CFTR: variants seen among roughly 807,000 people sequenced by gnomAD.
CFTR encodes cystic fibrosis transmembrane conductance regulator.
Under a neutral mutation model 171.6 loss-of-function variants are expected in CFTR, and 181 were observed. That is an observed-to-expected ratio of 1.05 (90% CI 0.93 to 1.19). The LOEUF (loss-of-function observed/expected upper bound fraction) is 1.19, where lower values mean the gene tolerates loss of function less well. CFTR is among the 50% of genes most tolerant of loss of function. CFTR has a pLI of 0.00. For missense variants in CFTR, 1,968 were observed against 1,734.7 expected (o/e 1.13, Z -2.39); for synonymous variants, 583 against 608.0 (o/e 0.96, Z 0.60).
intron 9 of CFTR, among the ~76,000 whole-genome samples, chr7:117,546,789 G>C (rs997028731): frequency 2.0e-5 from 3 of 152,122 alleles, no homozygotes; most frequent in African/African-American, 7.2e-5. Flanking sequence ...GATATATTTT[G>C]TTCCTTTGTG....
At chr7:117,544,671 CCTT>C (rs1799109793) in intron 9 of CFTR, among the ~76,000 whole-genome samples, 1 of 152,280 alleles carries the variant, frequency 6.6e-6, no homozygotes, top group South Asian at 2.1e-4. Context: ...TCAACTGACT[CCTT>C]CTCATGTTTA....
intron 10 of CFTR, among the ~76,000 whole-genome samples, chr7:117,552,111 T>A (rs528507044): frequency 7.8e-4 from 118 of 152,220 alleles, no homozygotes; most frequent in Middle Eastern, 3.4e-3. Context: ...TATACATGAT[T>A]TATTTTATTT....
At chr7:117,533,044 C>T (rs1178397497) in intron 4 of CFTR, among the ~76,000 whole-genome samples, 1 of 152,146 alleles carries the variant, frequency 6.6e-6, no homozygotes, top group Non-Finnish European at 1.5e-5. Context: ...AATTTAAATA[C>T]AAACAAACTT....
At chr7:117,616,557 G>T (rs1464902737) in intron 21 of CFTR, among the ~76,000 whole-genome samples, 1 of 152,092 alleles carries the variant, frequency 6.6e-6, no homozygotes, top group Admixed American at 6.6e-5. Context: ...ACACATTGAT[G>T]TCAAAACCTC....
Position 117,509,086 on chromosome 7 carries a change from C to T in CFTR, c.217C>T (p.Leu73Phe), listed in dbSNP as rs762298973. ...GAAAAATCCTAAACTCATTAATGCC[C>T]TTCGGCGATGTTTTTTCTGGAGATT... is the stretch of plus-strand genomic sequence containing the variant. Reference protein sequence around the residue: ...SKKNPKLINALRRCFFWRFMF... With the variant: ...SKKNPKLINAFRRCFFWRFMF... Residue 73 changes from leucine to phenylalanine, a missense_variant, in exon 3 of 27, where the codon CTT becomes TTT. Transcript: ENST00000003084. The T allele has an allele frequency of 1.2e-6, 2 of 1,612,958 alleles. No individual in the cohort carries two copies. Among genetic ancestry groups the T allele is most frequent in the Non-Finnish European group, 1.7e-6 (2 of 1,179,368 alleles).
chr7:117,659,974 C>G (rs1373402267), intron 24 of CFTR, among the ~76,000 whole-genome samples: 1 of 151,798 alleles, frequency 6.6e-6, no homozygotes, highest in African/African-American at 2.4e-5. Context: ...TAATAACATT[C>G]CAGAATACAG....
At position 117,542,117 on chromosome 7, in the gene CFTR, T is replaced by G. The variant is rs1799064371; in HGVS notation, c.1209+9T>G. 6.9e-7 allele frequency: 1 copy of G among 1,453,050 alleles called. No homozygotes were observed. The highest frequency in any genetic ancestry group is 1.7e-5 in the Admixed American group (1 of 59,736). 90.0% of individuals were successfully genotyped at this position (1,453,050 alleles called of 1,614,324 possible). A position where few individuals can be genotyped will look rare whatever the true frequency, so the allele number is the denominator to read the frequency against. On this transcript the variant is annotated intron_variant, in intron 9 of 26. Transcript: ENST00000003084. The stretch of plus-strand genomic sequence containing the variant: ...CAGCCTTCTGGGAGGAGGTCAGAAT[T>G]TTTAAAAAATTGTTTGCTCTAAACA...
intron 10 of CFTR, among the ~76,000 whole-genome samples, chr7:117,559,128 C>T (rs1364668356): frequency 2.0e-5 from 3 of 152,194 alleles, no homozygotes; most frequent in Non-Finnish European, 4.4e-5. Flanking sequence ...CAGCACTCGA[C>T]ACAGAGTGAG....
intron 13 of CFTR, 54 bp downstream of exon 13, chr7:117,590,493 C>T (rs1698547305): frequency 6.4e-7 from 1 of 1,559,992 alleles, no homozygotes; most frequent in East Asian, 2.3e-5. Context: ...AAAAGAAAGA[C>T]AGACTGTCCC....
At chr7:117,558,172 T>C (rs1438106294) in intron 10 of CFTR, among the ~76,000 whole-genome samples, 2 of 152,150 alleles carry the variant, frequency 1.3e-5, no homozygotes, top group Non-Finnish European at 2.9e-5. Context: ...CTGTAGGCTA[T>C]ATGTATCTGT....
intron 11 of CFTR, among the ~76,000 whole-genome samples, chr7:117,578,718 C>A (rs1475969594): frequency 6.6e-6 from 1 of 152,012 alleles, no homozygotes; most frequent in Admixed American, 6.6e-5. Context: ...AAAATCTTGT[C>A]TAATGCTTGA....
At chr7:117,656,354 G>A (rs746506727) in intron 24 of CFTR, among the ~76,000 whole-genome samples, 2 of 152,236 alleles carry the variant, frequency 1.3e-5, no homozygotes, top group South Asian at 2.1e-4. Context: ...TTTCGAAGTC[G>A]CCAGGAATCG....
Position 117,642,492 on chromosome 7 carries a change from T to C in CFTR, c.3772T>C (p.Leu1258=), listed in dbSNP as rs202074317. 6.2e-7 allele frequency: 1 copy of C among 1,613,732 alleles called. No homozygotes were observed. Among genetic ancestry groups the C allele is most frequent in the Admixed American group, 1.7e-5 (1 of 59,974 alleles). The change falls in exon 23 of 27, where the codon TTG becomes CTG. Residue 1258 remains leucine, a synonymous_variant. Coordinates refer to ENST00000003084, the MANE Select transcript of CFTR (RefSeq NM_000492.4). ...SGKSTLLSAF[L]RLLNTEGEIQ... is the part of the protein sequence containing the mutation. ...GAAGAGTACTTTGTTATCAGCTTTTTTGAGACTACTGAACACTGAAGGAGA... is the reference window on the plus strand; with the variant it reads ...GAAGAGTACTTTGTTATCAGCTTTTCTGAGACTACTGAACACTGAAGGAGA...
At chr7:117,647,700 T>C (rs1793015576) in intron 23 of CFTR, among the ~76,000 whole-genome samples, 1 of 151,802 alleles carries the variant, frequency 6.6e-6, no homozygotes, top group Non-Finnish European at 1.5e-5. Context: ...AAAAATTTTT[T>C]TTTTAAGACA....
intron 1 of CFTR, among the ~76,000 whole-genome samples, chr7:117,489,958 T>C (rs1221023445): frequency 6.6e-6 from 1 of 152,002 alleles, no homozygotes; most frequent in Non-Finnish European, 1.5e-5. Flanking sequence ...TCTTCCCCCA[T>C]CTTGGTTGTT....
intron 3 of CFTR, among the ~76,000 whole-genome samples, chr7:117,529,372 C>T (rs1361358644): frequency 1.1e-5 from 1 of 89,836 alleles, no homozygotes; most frequent in East Asian, 3.3e-4. Flanking sequence ...GTGGTGGGGT[C>T]GGGGGAGGGG....
At chr7:117,656,490 A>C (rs1057009205) in intron 24 of CFTR, among the ~76,000 whole-genome samples, 2 of 152,192 alleles carry the variant, frequency 1.3e-5, no homozygotes, top group Admixed American at 6.6e-5. Context: ...AAATGGAATA[A>C]AATTTTCTAA....
intron 22 of CFTR, 89 bp downstream of exon 22, chr7:117,627,859 G>A: frequency 2.3e-6 from 3 of 1,306,338 alleles, no homozygotes; most frequent in African/African-American, 1.4e-5. Flanking sequence ...GAATCTATTT[G>A]TAACATTATT....
intron 7 of CFTR, 131 bp downstream of exon 7, chr7:117,536,804 T>C (rs147632822): frequency 1.0e-5 from 8 of 782,794 alleles, no homozygotes; most frequent in Non-Finnish European, 1.5e-5. Context: ...TTAAGTTCTG[T>C]CAATATTCAT....
Sources: allele counts gnomAD v4.1 joint callset (sites outside exome capture counted in the v4.1 genomes callset), GRCh38; gene constraint gnomAD v4.1.1; transcripts MANE v1.5; gene names NCBI Gene and HGNC (gene_info 2026-07-23, HGNC 2026-07-21).